The following CRYM variants were observed in gnomAD, a reference collection of about 807,000 sequenced individuals.
The protein encoded by CRYM is crystallin mu, also known as ketimine reductase mu-crystallin.
Under a neutral mutation model 32.9 loss-of-function variants are expected in CRYM, and 18 were observed. That is an observed-to-expected ratio of 0.55 (90% CI 0.38 to 0.81). The LOEUF (loss-of-function observed/expected upper bound fraction) is 0.81. Ranked by LOEUF, CRYM falls within the 30% of genes least tolerant of loss-of-function variation. The pLI, the probability that CRYM is intolerant of heterozygous loss-of-function variation, is 0.00. For synonymous variants in CRYM, 153 were observed against 152.4 expected (o/e 1.00, Z -0.03); for missense variants, 337 against 393.5 (o/e 0.86, Z 1.21).
chr16:21,302,001 C>T (rs540193988), intron 1 of CRYM, among the ~76,000 whole-genome samples: 3 of 152,324 alleles, frequency 2.0e-5, no homozygotes, highest in African/African-American at 7.2e-5. Context: ...GCGCGCAGAG[C>T]CCAAAAGGGC....
chr16:21,271,853 T>C (rs1022277942), intron 3 of CRYM, among the ~76,000 whole-genome samples: 1 of 152,086 alleles, frequency 6.6e-6, no homozygotes, highest in Non-Finnish European at 1.5e-5. Context: ...TGATAATTGA[T>C]ATTTTTAAAA....
At chr16:21,278,479 A>G (rs912816285), upstream of CRYM, 6 of 601,008 alleles carry the variant, frequency 1.0e-5, no homozygotes, top group Non-Finnish European at 1.8e-5. Context: ...GGATTCCCCA[A>G]GATGGACATC....
chr16:21,280,451 G>C (rs1392993302), upstream of CRYM, among the ~76,000 whole-genome samples: 1 of 151,888 alleles, frequency 6.6e-6, no homozygotes, highest in South Asian at 2.1e-4. Flanking sequence ...ACCCCCTCTG[G>C]GCCAAGCAGA....
At chr16:21,261,462 AAAGAG>A in intron 6 of CRYM, 124 bp from the exon 7 acceptor site, 4 of 727,200 alleles carry the variant, frequency 5.5e-6, no homozygotes, top group Non-Finnish European at 7.2e-6. Flanking sequence ...AAAAAAAAAA[AAAGAG>A]AGAGATCCTT....
At chr16:21,260,381 C>T (rs1420873272) in intron 7 of CRYM, among the ~76,000 whole-genome samples, 2 of 152,148 alleles carry the variant, frequency 1.3e-5, no homozygotes, top group East Asian at 3.9e-4. Flanking sequence ...CTCACTACAA[C>T]CTCCACCTTC....
upstream of CRYM, among the ~76,000 whole-genome samples, chr16:21,280,651 G>A (rs1052675572): frequency 1.3e-5 from 2 of 152,154 alleles, no homozygotes; most frequent in African/African-American, 4.8e-5. Flanking sequence ...AGGATCTAAG[G>A]CCATGCCAGG....
At chr16:21,292,739 G>GGATGGATA (rs142045107) in intron 1 of CRYM, among the ~76,000 whole-genome samples, 53 of 151,734 alleles carry the variant, frequency 3.5e-4, no homozygotes, top group African/African-American at 1.2e-3. Context: ...ATGGATGGAT[G>GGATGGATA]GATAGATAGA....
Position 21,277,663 on chromosome 16 carries a change from T to C in CRYM, c.171-79A>G. The C allele has an allele frequency of 1.3e-6, 2 of 1,529,742 alleles. No homozygotes were observed. The highest frequency in any genetic ancestry group is 1.1e-5 in the South Asian group (1 of 87,700). 94.8% of individuals were successfully genotyped at this position (1,529,742 alleles called of 1,614,324 possible). The stretch of plus-strand genomic sequence containing the variant: ...TTAGAAAGTATCCATATACTTTCCT[T>C]TTTCTTTCCTTCCTCACCACCCCAC... On this transcript the variant is annotated intron_variant, in intron 1 of 7. Transcript: ENST00000572914. This position sits in a 1 kb window ranked among gnomAD's most constrained non-coding sequence, Gnocchi z 4.2.
chr16:21,292,460 C>A (rs904414618), intron 1 of CRYM, among the ~76,000 whole-genome samples: 29 of 152,058 alleles, frequency 1.9e-4, no homozygotes, highest in African/African-American at 6.8e-4. Context: ...ATTCATGGAT[C>A]AGAAGACTCA....
intron 1 of CRYM, chr16:21,299,909 A>G (rs1410011874): frequency 6.6e-6 from 1 of 152,204 alleles, no homozygotes; most frequent in Non-Finnish European, 1.5e-5. Flanking sequence ...TCCTTTCTTG[A>G]GTAGTGTCTT....
chr16:21,261,682 C>T, intron 6 of CRYM: 1 of 462,996 alleles, frequency 2.2e-6, no homozygotes. Flanking sequence ...CTGATTATAA[C>T]CGTAAAATGA....
At chr16:21,258,869 C>T (rs370571927) in intron 7 of CRYM, 24 bp from the exon 8 acceptor site, 31 of 1,612,128 alleles carry the variant, frequency 1.9e-5, no homozygotes, top group East Asian at 1.1e-4. Flanking sequence ...AAATTTGGTT[C>T]GCCTTTGGTC....
upstream of CRYM, chr16:21,278,797 C>A (rs1167967427): frequency 2.6e-5 from 4 of 154,600 alleles, no homozygotes; most frequent in East Asian, 7.6e-4. Context: ...CCCTGTACCC[C>A]CAGATGTCTG....
chr16:21,290,923 G>T (rs946929071), intron 1 of CRYM, among the ~76,000 whole-genome samples: 1 of 152,046 alleles, frequency 6.6e-6, no homozygotes, highest in Non-Finnish European at 1.5e-5. Flanking sequence ...TTTCTTGTTC[G>T]CATGAGATGA....
At chr16:21,266,932 A>G (rs1250027497) in intron 5 of CRYM, among the ~76,000 whole-genome samples, 1 of 151,694 alleles carries the variant, frequency 6.6e-6, no homozygotes, top group Admixed American at 6.6e-5. Flanking sequence ...GCTTGAACCC[A>G]GGAGGCAGAG....
At chr16:21,284,007 C>T (rs1221915031) in intron 1 of CRYM, 1 of 152,258 alleles carries the variant, frequency 6.6e-6, no homozygotes, top group Non-Finnish European at 1.5e-5. Context: ...CCTCCTTCTG[C>T]CTGCGTCCTC....
In CRYM at chr16:21,267,754, A is replaced by G. The variant is rs780978173; in HGVS notation, c.490-17T>C. The stretch of plus-strand genomic sequence containing the variant: ...TATCCTCACCTTCATTGGGAGTAAC[A>G]AGAAGGATATTGGCGCCATTTTTTG... On this transcript the variant is annotated splice_polypyrimidine_tract_variant and intron_variant, in intron 4 of 7. Transcript: ENST00000572914. 9.3e-6 allele frequency: 15 copies of G among 1,614,144 alleles called. No individual in the cohort carries two copies. Among genetic ancestry groups the G allele is most frequent in the Middle Eastern group, 3.3e-4 (2 of 6,062 alleles).
intron 5 of CRYM, among the ~76,000 whole-genome samples, chr16:21,266,956 G>A (rs938756568): frequency 6.6e-6 from 1 of 151,952 alleles, no homozygotes; most frequent in South Asian, 2.1e-4. Context: ...GCAGTGAGCT[G>A]AGATCTCGCC....
At chr16:21,279,247 C>T (rs2093393829), upstream of CRYM, among the ~76,000 whole-genome samples, 1 of 152,176 alleles carries the variant, frequency 6.6e-6, no homozygotes, top group South Asian at 2.1e-4. Flanking sequence ...ACAACAACCT[C>T]TAAGGTAGGG....
Sources: gnomAD v4.1 joint callset for allele counts (sites outside exome capture counted in the v4.1 genomes callset) on GRCh38, gnomAD v4.1.1 for gene constraint, Gnocchi (gnomAD v3.1) non-coding constraint, MANE v1.5 for transcripts, NCBI Gene and HGNC (gene_info 2026-07-23, HGNC 2026-07-21) for gene names.